LRMDA: variants seen among roughly 807,000 people sequenced by gnomAD.
The protein encoded by LRMDA is leucine rich melanocyte differentiation associated, also known as leucine-rich melanocyte differentiation-associated protein.
A neutral mutation model predicts 29.8 loss-of-function variants in LRMDA; 18 were observed. The ratio of observed to expected loss-of-function variants is 0.60; its 90% confidence interval spans 0.42 to 0.90. The LOEUF is 0.90. LRMDA is among the 40% of genes least tolerant of loss of function. The probability of loss-of-function intolerance (pLI) is 0.00; values close to 1 mark genes in which losing one functional copy is unlikely to be tolerated. For synonymous variants in LRMDA, 125 were observed against 109.4 expected (o/e 1.14, Z -0.89); for missense variants, 273 against 273.9 (o/e 1.00, Z 0.02).
chr10:76,011,105 T>G (rs1847770404), intron 2 of LRMDA, among the ~76,000 whole-genome samples: 1 of 152,242 alleles, frequency 6.6e-6, no homozygotes, highest in Non-Finnish European at 1.5e-5. Flanking sequence ...AATCCATTAC[T>G]TTTCAGTGTT....
At chr10:75,865,325 G>A (rs2132326113) in intron 2 of LRMDA, among the ~76,000 whole-genome samples, 1 of 152,282 alleles carries the variant, frequency 6.6e-6, no homozygotes, top group South Asian at 2.1e-4. Flanking sequence ...AGATCTGAAT[G>A]GAGGTAGTTC....
At chr10:76,055,299 G>A (rs1227012849) in intron 4 of LRMDA, among the ~76,000 whole-genome samples, 1 of 151,958 alleles carries the variant, frequency 6.6e-6, no homozygotes, top group Non-Finnish European at 1.5e-5. Flanking sequence ...CATTTCTGAA[G>A]GAAGAAAAGA....
chr10:76,195,397 G>A (rs920449970), intron 5 of LRMDA, among the ~76,000 whole-genome samples: 2 of 152,160 alleles, frequency 1.3e-5, no homozygotes, highest in African/African-American at 2.4e-5. Context: ...TTTTGAGGGT[G>A]ACCATTCATT....
At chr10:76,056,925 C>CA (rs1388635668) in intron 4 of LRMDA, among the ~76,000 whole-genome samples, 2 of 152,174 alleles carry the variant, frequency 1.3e-5, no homozygotes, top group East Asian at 3.9e-4. Flanking sequence ...CTCCATAGAG[C>CA]AAGCAGCCCC....
chr10:76,387,741 A>G (rs891913125), intron 6 of LRMDA, among the ~76,000 whole-genome samples: 1 of 152,252 alleles, frequency 6.6e-6, no homozygotes, highest in Non-Finnish European at 1.5e-5. Flanking sequence ...TGGTTATTCC[A>G]TAGGCAGAGC....
At chr10:76,156,957 T>C (rs376086627) in intron 5 of LRMDA, among the ~76,000 whole-genome samples, 1 of 152,218 alleles carries the variant, frequency 6.6e-6, no homozygotes, top group East Asian at 1.9e-4. Flanking sequence ...TTTAGGTTCT[T>C]GGTGCCTGGA....
chr10:76,279,834 T>A (rs999703942), intron 5 of LRMDA, among the ~76,000 whole-genome samples: 13 of 152,214 alleles, frequency 8.5e-5, no homozygotes, highest in Admixed American at 8.5e-4. Flanking sequence ...TGTTGTCTAA[T>A]GTAATACTCA....
chr10:76,479,698 T>C (rs1842716842), intron 6 of LRMDA, among the ~76,000 whole-genome samples: 1 of 151,948 alleles, frequency 6.6e-6, no homozygotes, highest in African/African-American at 2.4e-5. Context: ...AAGAATAGTG[T>C]GTGTTTTTCA....
chr10:75,936,135 A>G (rs1317755758), intron 2 of LRMDA, among the ~76,000 whole-genome samples: 1 of 152,148 alleles, frequency 6.6e-6, no homozygotes, highest in African/African-American at 2.4e-5. Context: ...CACCCGGTAC[A>G]TTGAGTCCTA....
intron 2 of LRMDA, among the ~76,000 whole-genome samples, chr10:76,002,210 C>T (rs1394149262): frequency 6.6e-6 from 1 of 152,186 alleles, no homozygotes; most frequent in African/African-American, 2.4e-5. Flanking sequence ...TCTGAGGGCA[C>T]CAGTCCCATG....
intron 5 of LRMDA, among the ~76,000 whole-genome samples, chr10:76,229,641 G>T (rs1034910056): frequency 1.3e-5 from 2 of 152,142 alleles, no homozygotes; most frequent in Admixed American, 6.5e-5. Context: ...AAGAAGGTCA[G>T]ACTCTGGTTC....
At chr10:75,847,116 C>A (rs1844652222) in intron 2 of LRMDA, among the ~76,000 whole-genome samples, 1 of 152,064 alleles carries the variant, frequency 6.6e-6, no homozygotes, top group Admixed American at 6.5e-5. Flanking sequence ...TATTACAAAA[C>A]AACAGTAATC....
intron 6 of LRMDA, among the ~76,000 whole-genome samples, chr10:76,360,644 G>A (rs1280817279): frequency 6.6e-6 from 1 of 152,122 alleles, no homozygotes; most frequent in Non-Finnish European, 1.5e-5. Context: ...TGTGAAGTCA[G>A]TATTATATTC....
chr10:75,899,014 C>T (rs181785843), intron 2 of LRMDA, among the ~76,000 whole-genome samples: 404 of 152,256 alleles, frequency 2.7e-3, no homozygotes, highest in Non-Finnish European at 4.2e-3. Context: ...TATACCTGGC[C>T]CTATGCTGTG....
At chr10:76,144,317 T>C (rs1850267408) in intron 5 of LRMDA, among the ~76,000 whole-genome samples, 1 of 152,208 alleles carries the variant, frequency 6.6e-6, no homozygotes, top group African/African-American at 2.4e-5. Context: ...ATTTTTCCTA[T>C]CCATGAGCTT....
At chr10:76,243,333 T>G (rs778588947) in intron 5 of LRMDA, among the ~76,000 whole-genome samples, 16 of 152,194 alleles carry the variant, frequency 1.1e-4, no homozygotes, top group Non-Finnish European at 2.1e-4. Context: ...AAGATTGATA[T>G]AATTAGATGG....
In LRMDA at chr10:75,764,607, G is replaced by C. The variant is rs540475331; in HGVS notation, c.132-271401G>C. Among the ~76,000 whole-genome samples the C allele has an allele frequency of 2.0e-5, 3 of 152,292 alleles. No homozygotes were observed. In the East Asian group the frequency reaches 5.8e-4, roughly 29 times the overall value. Reference sequence around the variant, plus strand: ...AATTCACTTGATGAAAATCTGCTGTGGGTGATGTGTCATATATCAAAGGCA... The same window carrying C: ...AATTCACTTGATGAAAATCTGCTGTCGGTGATGTGTCATATATCAAAGGCA... On this transcript the variant is annotated intron_variant, in intron 2 of 6. Coordinates refer to ENST00000611255, the MANE Select transcript of LRMDA (RefSeq NM_001305581.2).
chr10:75,464,185 T>A (rs1316538704), intron 2 of LRMDA, among the ~76,000 whole-genome samples: 1 of 152,206 alleles, frequency 6.6e-6, no homozygotes, highest in South Asian at 2.1e-4. Context: ...TCCATTGATT[T>A]TTCTCTAGTT....
intron 6 of LRMDA, among the ~76,000 whole-genome samples, chr10:76,334,047 T>C (rs1840937382): frequency 6.6e-6 from 1 of 152,226 alleles, no homozygotes; most frequent in African/African-American, 2.4e-5. Context: ...AGTGGAGCTG[T>C]GGCAGCAGGA....
Sources: gnomAD v4.1 joint callset for allele counts (sites outside exome capture counted in the v4.1 genomes callset) on GRCh38, gnomAD v4.1.1 for gene constraint, MANE v1.5 for transcripts, NCBI Gene and HGNC (gene_info 2026-07-23, HGNC 2026-07-21) for gene names.